Variants in DGKZ observed in about 807,000 individuals in gnomAD.
DGKZ encodes the protein DAG kinase zeta.
DGKZ carries 45 observed loss-of-function variants against 142.5 expected under a neutral mutation model. That is an observed-to-expected ratio of 0.32 (90% CI 0.25 to 0.40). DGKZ has a LOEUF of 0.40. DGKZ is among the 10% of genes least tolerant of loss of function. The pLI is 1.00. For synonymous variants in DGKZ, 442 were observed against 527.0 expected (o/e 0.84, Z 2.21); for missense variants, 755 against 1,306.5 (o/e 0.58, Z 6.51).
At chr11:46,355,427 T>C (rs1242992055) in intron 1 of DGKZ, among the ~76,000 whole-genome samples, 1 of 152,062 alleles carries the variant, frequency 6.6e-6, no homozygotes, top group Non-Finnish European at 1.5e-5. Context: ...CTTAAAACTT[T>C]CAGTAAACTG....
upstream of DGKZ, among the ~76,000 whole-genome samples, chr11:46,346,138 CG>C (rs1940590038): frequency 6.6e-6 from 1 of 152,164 alleles, no homozygotes; most frequent in Admixed American, 6.5e-5. Flanking sequence ...TTCTGGGCCT[CG>C]GGGTGCTGGT....
At chr11:46,378,817 G>C (rs1590652864) in intron 27 of DGKZ, 174 bp from the exon 28 acceptor site, 8 of 1,127,716 alleles carry the variant, frequency 7.1e-6, no homozygotes, top group South Asian at 5.8e-5. Flanking sequence ...TGGGGTGAGA[G>C]GCCCCTCCTC....
At chr11:46,361,333 G>C (rs933354254) in intron 1 of DGKZ, among the ~76,000 whole-genome samples, 30 of 152,192 alleles carry the variant, frequency 2.0e-4, no homozygotes, top group Admixed American at 2.0e-3. Context: ...TGAGGCATGG[G>C]CTGGGCTGTA....
chr11:46,367,115 G>T lies in DGKZ; in HGVS notation c.162-176G>T. The T allele has an allele frequency of 7.6e-7, 1 of 1,319,060 alleles. No homozygotes were observed. The highest frequency in any genetic ancestry group is 1.0e-6 in the Non-Finnish European group (1 of 954,508). The allele number at this position is 1,319,060 out of a possible 1,614,324, so 81.7% of individuals were successfully genotyped here. On this transcript the variant is annotated intron_variant, in intron 1 of 30. Transcript: ENST00000527911. This position sits in a 1 kb window ranked among gnomAD's most constrained non-coding sequence, Gnocchi z 4.1. ...CACTCTGGGCAGTACCCTGAAGCCA[G>T]CGTACCCCAAAAGGCCATGTCTCTT...
intron 1 of DGKZ, chr11:46,362,073 C>T (rs1003020598): frequency 6.6e-6 from 1 of 152,302 alleles, no homozygotes; most frequent in Admixed American, 6.5e-5. Flanking sequence ...AGGGACTGGC[C>T]TCCCTTCCAG....
chr11:46,348,046 G>A (rs538033689), intron 1 of DGKZ, among the ~76,000 whole-genome samples: 74 of 152,256 alleles, frequency 4.9e-4, no homozygotes, highest in Non-Finnish European at 5.9e-4. Flanking sequence ...ACTGTCACCG[G>A]GTGGGGGTCA....
chr11:46,375,916 C>T (rs1168535779), exon 21 of DGKZ: 2 of 1,600,220 alleles, frequency 1.2e-6, no homozygotes, highest in East Asian at 2.3e-5. Context: ...GACTATGAGG[C>T]CCTGCACTAC....
Position 46,347,484 on chromosome 11 carries a change from G to T in DGKZ, c.-176G>T. 3.1e-6 allele frequency: 3 copies of T among 982,410 alleles called. No individual in the cohort carries two copies. Among genetic ancestry groups the T allele is most frequent in the Non-Finnish European group, 3.6e-6 (3 of 828,846 alleles). The allele number at this position is 982,410 out of a possible 1,614,324, so 60.9% of individuals were successfully genotyped here. ...TGGCGGCACTTCCTGGAGCGGCGGC[G>T]GCAGCGGCTTCCCGGGCACCTGGGC... On this transcript the variant is annotated 5_prime_UTR_variant, in exon 1 of 31. Coordinates refer to ENST00000527911, the Ensembl canonical transcript of DGKZ. This position sits in a 1 kb window ranked among gnomAD's most constrained non-coding sequence, Gnocchi z 6.4.
upstream of DGKZ, chr11:46,347,260 C>T: frequency 1.0e-5 from 10 of 969,176 alleles, no homozygotes; most frequent in Non-Finnish European, 1.2e-5. The surrounding 1 kb of genome is among the most constrained non-coding windows in gnomAD (Gnocchi z 6.4). Context: ...CCAGGCGGGC[C>T]GGGCCGGGCT....
At chr11:46,343,647 G>A (rs977497289), upstream of DGKZ, among the ~76,000 whole-genome samples, 2 of 152,222 alleles carry the variant, frequency 1.3e-5, no homozygotes, top group Non-Finnish European at 2.9e-5. Context: ...CTCCAGCACA[G>A]TTTGGCCTCT....
At chr11:46,379,369 C>T (rs1944949834) in intron 29 of DGKZ, 100 bp from the exon 30 acceptor site, 11 of 1,568,036 alleles carry the variant, frequency 7.0e-6, no homozygotes, top group Non-Finnish European at 9.6e-6. Context: ...CCCTATTGCC[C>T]CAGAGCCCTG....
intron 1 of DGKZ, chr11:46,366,689 C>T (rs1943310229): frequency 6.4e-7 from 1 of 1,572,432 alleles, no homozygotes; most frequent in Non-Finnish European, 8.6e-7. Context: ...AGGGCCACCC[C>T]CACCTCGGGG....
chr11:46,349,524 A>G (rs550237970), intron 1 of DGKZ, among the ~76,000 whole-genome samples: 1 of 152,058 alleles, frequency 6.6e-6, no homozygotes, highest in East Asian at 1.9e-4. Context: ...ATTCTCTAAA[A>G]TAAGCAGGGT....
chr11:46,371,739 A>G (rs1328372642), exon 9 of DGKZ: 4 of 1,613,706 alleles, frequency 2.5e-6, no homozygotes, highest in Non-Finnish European at 3.4e-6. Flanking sequence ...AGAAGAGGGC[A>G]TCCTTCAAGA....
rs779626076 is a variant in DGKZ, at chr11:46,379,536, G to T, written c.2656G>T (p.Ala886Ser). ...CACCATCTGCCACTACATCGTGGAG[G>T]CCGGGGCCTCGCTCATGAAGACAGA... Residue 886 changes from alanine to serine, a missense_variant, in exon 30 of 31, where the codon GCC becomes TCC. By Grantham distance (99) the Ala-to-Ser change is moderately conservative (BLOSUM62 1). Coordinates refer to ENST00000527911, the Ensembl canonical transcript of DGKZ. 7.4e-6 allele frequency: 12 copies of T among 1,611,452 alleles called. No homozygotes were observed. The East Asian group carries it at 2.0e-4, about 27-fold the overall frequency.
At chr11:46,374,736 C>G in intron 17 of DGKZ, 30 bp from the exon 18 acceptor site, 1 of 1,612,286 alleles carries the variant, frequency 6.2e-7, no homozygotes, top group Non-Finnish European at 8.5e-7. Context: ...CTGGCACATG[C>G]ACCTCAACAC....
upstream of DGKZ, chr11:46,345,682 C>CTG: frequency 8.1e-7 from 1 of 1,239,020 alleles, no homozygotes; most frequent in Non-Finnish European, 1.1e-6. The surrounding 1 kb of genome is among the most constrained non-coding windows in gnomAD (Gnocchi z 4.1). Context: ...GGTCACCCAT[C>CTG]TGTCATCCAG....
intron 1 of DGKZ, among the ~76,000 whole-genome samples, chr11:46,350,568 TAAC>T (rs1314744748): frequency 1.5e-5 from 2 of 130,788 alleles, no homozygotes; most frequent in Admixed American, 8.1e-5. Context: ...AGATCAAGGG[TAAC>T]AACTAGGTTG....
At chr11:46,354,997 T>A (rs371518557) in intron 1 of DGKZ, among the ~76,000 whole-genome samples, 9 of 152,350 alleles carry the variant, frequency 5.9e-5, no homozygotes, top group Admixed American at 4.6e-4. Context: ...CCCTCTGTGT[T>A]CTCTCCACCA....
Sources: gnomAD v4.1 joint callset for allele counts (sites outside exome capture counted in the v4.1 genomes callset) on GRCh38, gnomAD v4.1.1 for gene constraint, Gnocchi (gnomAD v3.1) non-coding constraint, MANE v1.5 for transcripts, NCBI Gene and HGNC (gene_info 2026-07-23, HGNC 2026-07-21) for gene names.